The following FOXP1 variants were observed in gnomAD, a reference collection of about 807,000 sequenced individuals.
FOXP1 encodes forkhead box protein P1.
In FOXP1, 15 loss-of-function variants were observed where a neutral mutation model predicts 98.2. That is an observed-to-expected ratio of 0.15 (90% CI 0.10 to 0.24). The LOEUF is 0.24. FOXP1 is among the 10% of genes least tolerant of loss of function. The pLI is 1.00. For synonymous variants in FOXP1, 371 were observed against 314.5 expected, an observed-to-expected ratio of 1.18 and a Z score of -1.90; for missense variants, 633 against 848.5, an observed-to-expected ratio of 0.75 and a Z score of 3.15.
intron 3 of FOXP1, among the ~76,000 whole-genome samples, chr3:71,485,121 T>A (rs559501067): frequency 6.6e-6 from 1 of 152,100 alleles, no homozygotes; most frequent in East Asian, 1.9e-4. Flanking sequence ...TCAATTAAAT[T>A]ATACTGGCAG....
intron 17 of FOXP1, among the ~76,000 whole-genome samples, chr3:70,973,288 G>C (rs2036735596): frequency 8.2e-6 from 1 of 121,382 alleles, no homozygotes; most frequent in South Asian, 2.7e-4. Context: ...ATCATGTTAT[G>C]TCTCACCTTC....
intron 6 of FOXP1, among the ~76,000 whole-genome samples, chr3:71,113,349 T>C (rs1489573758): frequency 1.3e-5 from 2 of 152,096 alleles, no homozygotes; most frequent in African/African-American, 2.4e-5. Flanking sequence ...AGGTAGACAT[T>C]GGGGAGGTAG....
chr3:71,245,052 A>G (rs2067617029), intron 5 of FOXP1: 1 of 152,184 alleles, frequency 6.6e-6, no homozygotes, highest in South Asian at 2.1e-4. Flanking sequence ...TGGCATAAAA[A>G]CAGGTTTGCA....
intron 7 of FOXP1, among the ~76,000 whole-genome samples, chr3:71,062,910 C>T (rs943520337): frequency 1.3e-5 from 2 of 152,100 alleles, no homozygotes; most frequent in Non-Finnish European, 2.9e-5. Context: ...TACTATGTGC[C>T]CCTTTACCTA....
At chr3:70,965,500 G>A (rs796859257) in intron 20 of FOXP1, among the ~76,000 whole-genome samples, 11 of 152,268 alleles carry the variant, frequency 7.2e-5, no homozygotes, top group African/African-American at 2.6e-4. Flanking sequence ...GCACCACCAA[G>A]TAAACAAGCA....
chr3:71,287,586 C>T (rs775758304), intron 5 of FOXP1, among the ~76,000 whole-genome samples: 5 of 152,170 alleles, frequency 3.3e-5, no homozygotes, highest in Non-Finnish European at 5.9e-5. Context: ...TTGAGACCAG[C>T]CTGACAAACA....
intron 12 of FOXP1, among the ~76,000 whole-genome samples, chr3:71,009,916 ATTTTTTT>A (rs200610453): frequency 8.3e-5 from 11 of 133,036 alleles, no homozygotes; most frequent in Non-Finnish European, 1.5e-4. Flanking sequence ...ACCCAGCTGA[ATTTTTTT>A]TTTTTTTTTT....
At chr3:71,275,272 T>TG (rs1253808066) in intron 5 of FOXP1, among the ~76,000 whole-genome samples, 1 of 152,196 alleles carries the variant, frequency 6.6e-6, no homozygotes, top group African/African-American at 2.4e-5. Flanking sequence ...TCCCTCATCC[T>TG]GGGGATGGAC....
intron 3 of FOXP1, among the ~76,000 whole-genome samples, chr3:71,388,483 AT>A (rs1191754405): frequency 6.7e-6 from 1 of 149,718 alleles, no homozygotes; most frequent in Non-Finnish European, 1.5e-5. Flanking sequence ...ATCAGAAAAC[AT>A]AAGAATTCAA....
intron 6 of FOXP1, among the ~76,000 whole-genome samples, chr3:71,150,528 C>T (rs138724662): frequency 3.2e-3 from 492 of 152,220 alleles, no homozygotes; most frequent in Middle Eastern, 6.8e-3. Context: ...TCTTACTCAT[C>T]GAGACCTTTT....
At chr3:71,404,834 A>G (rs1321190388) in intron 3 of FOXP1, among the ~76,000 whole-genome samples, 1 of 152,250 alleles carries the variant, frequency 6.6e-6, no homozygotes, top group Non-Finnish European at 1.5e-5. Flanking sequence ...CAATAGTATC[A>G]ACTGAACCTG....
At chr3:71,012,215 C>T (rs750490803) in intron 12 of FOXP1, among the ~76,000 whole-genome samples, 17 of 152,084 alleles carry the variant, frequency 1.1e-4, no homozygotes, top group Non-Finnish European at 2.2e-4. Context: ...TGGAAGAAAT[C>T]GGTACCAAGG....
At chr3:71,498,520 AC>A (rs1429457458) in intron 2 of FOXP1, among the ~76,000 whole-genome samples, 1 of 152,196 alleles carries the variant, frequency 6.6e-6, no homozygotes, top group Admixed American at 6.5e-5. Flanking sequence ...AATGAACTGC[AC>A]TGGGTATTGG....
chr3:71,232,152 G>T (rs2066341890), intron 5 of FOXP1, among the ~76,000 whole-genome samples: 2 of 152,156 alleles, frequency 1.3e-5, no homozygotes, highest in Admixed American at 6.5e-5. Flanking sequence ...AATATAAAAA[G>T]AATCTGATAG....
chr3:70,964,794 G>A (rs552629441), intron 20 of FOXP1, among the ~76,000 whole-genome samples: 106 of 152,166 alleles, frequency 7.0e-4, no homozygotes, highest in Non-Finnish European at 1.4e-3. Flanking sequence ...CTGAAGTGCT[G>A]TGGAGATGAA....
intron 13 of FOXP1, among the ~76,000 whole-genome samples, chr3:70,992,091 G>T (rs973711768): frequency 6.6e-6 from 1 of 152,206 alleles, no homozygotes. Context: ...ATACAATGAT[G>T]ATCTCCAAGT....
At chr3:71,142,337 GC>G (rs1299101130) in intron 6 of FOXP1, among the ~76,000 whole-genome samples, 4 of 152,288 alleles carry the variant, frequency 2.6e-5, no homozygotes, top group Admixed American at 6.5e-5. Flanking sequence ...AGTCAATCGT[GC>G]ACTAATCCAG....
intron 3 of FOXP1, among the ~76,000 whole-genome samples, chr3:71,453,767 G>C (rs1008774703): frequency 1.3e-5 from 2 of 152,090 alleles, no homozygotes; most frequent in Admixed American, 1.3e-4. Flanking sequence ...AAGAGCCCAA[G>C]AGTAAAGGGA....
chr3:70,956,018 T>C lies in FOXP1; in HGVS notation c.*3229A>G. ...AGCAAGGATAACTAAATAAAATACA[T>C]GTGCAGCATATTCTGCAATTCCGTT... On this transcript the variant is annotated 3_prime_UTR_variant, in exon 21 of 21. Transcript: ENST00000649528. 1 of 233,272 alleles carries C rather than the reference T, an allele frequency of 4.3e-6. No individual in the cohort carries two copies. The allele number at this position is 233,272 out of a possible 1,614,324, so 14.5% of individuals were successfully genotyped here. A position where few individuals can be genotyped will look rare whatever the true frequency, so the allele number is the denominator to read the frequency against.
Sources: gnomAD v4.1 joint callset for allele counts (sites outside exome capture counted in the v4.1 genomes callset) on GRCh38, gnomAD v4.1.1 for gene constraint, MANE v1.5 for transcripts, NCBI Gene and HGNC (gene_info 2026-07-23, HGNC 2026-07-21) for gene names.